Variants in KCNQ5 observed in about 807,000 individuals in gnomAD.
KCNQ5 encodes the protein potassium voltage-gated channel subfamily KQT member 5.
In KCNQ5, 30 loss-of-function variants were observed where a neutral mutation model predicts 98.2. That is an observed-to-expected ratio of 0.31 (90% CI 0.23 to 0.41). The LOEUF is 0.41. Ranked by LOEUF, KCNQ5 falls within the 10% of genes least tolerant of loss-of-function variation. KCNQ5 has a pLI of 1.00. For synonymous variants in KCNQ5, 458 were observed against 449.4 expected, an observed-to-expected ratio of 1.02 and a Z score of -0.24; for missense variants, 835 against 1,182.5, an observed-to-expected ratio of 0.71 and a Z score of 4.31.
intron 1 of KCNQ5, among the ~76,000 whole-genome samples, chr6:72,693,006 G>T (rs1000415309): frequency 6.6e-6 from 1 of 152,058 alleles, no homozygotes; most frequent in African/African-American, 2.4e-5. Flanking sequence ...GTTGGGAAAT[G>T]GATTATTTTT....
chr6:72,746,334 C>T (rs1267331004), intron 1 of KCNQ5, among the ~76,000 whole-genome samples: 1 of 152,132 alleles, frequency 6.6e-6, no homozygotes, highest in Non-Finnish European at 1.5e-5. Flanking sequence ...TTATTGTTGA[C>T]CTGCCCCAAG....
At chr6:72,872,562 G>T (rs539406055) in intron 1 of KCNQ5, among the ~76,000 whole-genome samples, 1 of 152,214 alleles carries the variant, frequency 6.6e-6, no homozygotes, top group Admixed American at 6.5e-5. Context: ...CAAAAGCTCT[G>T]TTAGGCAGGT....
chr6:73,063,721 T>TAGATGATGATA (rs1554203585), intron 3 of KCNQ5, among the ~76,000 whole-genome samples: 1 of 96,034 alleles, frequency 1.0e-5, no homozygotes, highest in African/African-American at 3.9e-5. Flanking sequence ...GATAGATAGA[T>TAGATGATGATA]GATAGATAGA....
chr6:72,795,295 G>T (rs1774269812), intron 1 of KCNQ5, among the ~76,000 whole-genome samples: 1 of 152,164 alleles, frequency 6.6e-6, no homozygotes. Flanking sequence ...GCAGAGAGGT[G>T]TCAGCCCCAT....
At chr6:73,115,780 T>C (rs1009519122) in intron 7 of KCNQ5, among the ~76,000 whole-genome samples, 2 of 152,130 alleles carry the variant, frequency 1.3e-5, no homozygotes, top group African/African-American at 4.8e-5. Context: ...ATAGAACTTC[T>C]CTTCCACAAC....
chr6:73,026,506 TC>T (rs1391009329), intron 2 of KCNQ5, among the ~76,000 whole-genome samples: 1 of 152,146 alleles, frequency 6.6e-6, no homozygotes, highest in East Asian at 1.9e-4. Flanking sequence ...CTGGAAACCT[TC>T]CATCTCTTCC....
chr6:72,967,111 A>C (rs960376312), intron 1 of KCNQ5, among the ~76,000 whole-genome samples: 1 of 152,344 alleles, frequency 6.6e-6, no homozygotes, highest in South Asian at 2.1e-4. Flanking sequence ...CCATGGTTAT[A>C]AAGTTTTCCA....
At chr6:73,007,815 A>T (rs570410332) in intron 2 of KCNQ5, among the ~76,000 whole-genome samples, 13 of 152,246 alleles carry the variant, frequency 8.5e-5, no homozygotes, top group African/African-American at 3.1e-4. Flanking sequence ...TTGCTGTTGC[A>T]CCTTCACCCA....
chr6:72,798,707 T>C (rs190396146), intron 1 of KCNQ5, among the ~76,000 whole-genome samples: 3 of 152,326 alleles, frequency 2.0e-5, no homozygotes, highest in African/African-American at 4.8e-5. Context: ...ACATAATTCA[T>C]AAATGTGAAT....
At chr6:73,132,476 A>G (rs561770669) in intron 9 of KCNQ5, among the ~76,000 whole-genome samples, 1 of 152,298 alleles carries the variant, frequency 6.6e-6, no homozygotes, top group Admixed American at 6.5e-5. Flanking sequence ...CTGTGTTGCT[A>G]TGTTTATCTC....
At chr6:72,721,711 A>G (rs1478522188) in intron 1 of KCNQ5, among the ~76,000 whole-genome samples, 2 of 152,224 alleles carry the variant, frequency 1.3e-5, no homozygotes, top group Non-Finnish European at 2.9e-5. Context: ...ACTGTTATAG[A>G]TGAATTGCCA....
intron 1 of KCNQ5, among the ~76,000 whole-genome samples, chr6:73,000,792 T>C (rs1001109290): frequency 3.9e-5 from 6 of 152,190 alleles, no homozygotes; most frequent in Admixed American, 1.3e-4. Flanking sequence ...ATCCATTCTA[T>C]ACACACTGCT....
At chr6:72,998,948 AC>A (rs1236746034) in intron 1 of KCNQ5, among the ~76,000 whole-genome samples, 5 of 152,136 alleles carry the variant, frequency 3.3e-5, no homozygotes, top group Non-Finnish European at 1.5e-5. Context: ...GGAGATGTCT[AC>A]TTTAAACCTC....
intron 1 of KCNQ5, among the ~76,000 whole-genome samples, chr6:72,830,771 G>A (rs891360819): frequency 1.2e-3 from 189 of 152,182 alleles, no homozygotes; most frequent in African/African-American, 4.4e-3. Flanking sequence ...TGCACAGCAA[G>A]GAAACTACCA....
intron 1 of KCNQ5, among the ~76,000 whole-genome samples, chr6:72,980,149 G>A (rs138587870): frequency 0.027 from 4,114 of 152,086 alleles, 65 homozygotes; most frequent in Middle Eastern, 0.082. Context: ...GGATTGACTT[G>A]GCAATGTGGG....
chr6:73,135,566 C>T (rs1227302176), intron 10 of KCNQ5: 1 of 152,172 alleles, frequency 6.6e-6, no homozygotes, highest in Non-Finnish European at 1.5e-5. Context: ...CTGTTACTCA[C>T]CTAACACCTT....
intron 1 of KCNQ5, among the ~76,000 whole-genome samples, chr6:72,691,378 A>G (rs971064776): frequency 6.6e-6 from 1 of 152,256 alleles, no homozygotes; most frequent in Admixed American, 6.5e-5. Flanking sequence ...ACATTGAGCA[A>G]TTTGTCAGTT....
chr6:72,918,778 A>G (rs910326094), intron 1 of KCNQ5, among the ~76,000 whole-genome samples: 1 of 152,168 alleles, frequency 6.6e-6, no homozygotes, highest in Admixed American at 6.5e-5. Context: ...ATATACTTCT[A>G]TGATACTATA....
chr6:72,994,186 A>G (rs199595209), intron 1 of KCNQ5, among the ~76,000 whole-genome samples: 7,639 of 80,572 alleles, frequency 0.095, 444 homozygotes, highest in East Asian at 0.16. Flanking sequence ...GGTGGGCTCC[A>G]CCCAGTTCGA....
Sources: gnomAD v4.1 joint callset for allele counts (sites outside exome capture counted in the v4.1 genomes callset) on GRCh38, gnomAD v4.1.1 for gene constraint, MANE v1.5 for transcripts, NCBI Gene and HGNC (gene_info 2026-07-23, HGNC 2026-07-21) for gene names.